Variants in KLHL29 observed in about 807,000 individuals in gnomAD.
KLHL29 encodes kelch-like protein 29.
In KLHL29, 21 loss-of-function variants were observed where a neutral mutation model predicts 80.4. The observed-to-expected ratio is 0.26, with a 90% CI of 0.19 to 0.38. KLHL29 has a LOEUF of 0.38. Among genes scored for constraint, KLHL29 ranks in the 10% least tolerant of loss-of-function variants. KLHL29 has a pLI of 1.00. For missense variants in KLHL29, 867 were observed against 1,223.9 expected (o/e 0.71, Z 4.35); for synonymous variants, 511 against 526.8 (o/e 0.97, Z 0.41).
At chr2:23,459,538 G>A (rs56182113) in intron 1 of KLHL29, among the ~76,000 whole-genome samples, 26,217 of 152,028 alleles carry the variant, frequency 0.17, 3,678 homozygotes, top group African/African-American at 0.37. Context: ...GGGAAATGAC[G>A]ACCAATGAAG....
chr2:23,617,385 G>A (rs757709631), intron 3 of KLHL29: 4 of 152,208 alleles, frequency 2.6e-5, no homozygotes, highest in South Asian at 2.1e-4. Flanking sequence ...TGGCTTTGAC[G>A]AGGCTCTGCC....
rs753136606 is a variant in KLHL29 at position 23,562,112 on chromosome 2, C to G, written c.-45-40C>G. The G allele has an allele frequency of 6.0e-6, 9 of 1,494,228 alleles. No homozygotes were observed. The highest frequency in any genetic ancestry group is 8.1e-6 in the Non-Finnish European group (9 of 1,107,484). 92.6% of individuals were successfully genotyped at this position (1,494,228 alleles called of 1,614,324 possible). A position where few individuals can be genotyped will look rare whatever the true frequency, so the allele number is the denominator to read the frequency against. Reference sequence around the variant, plus strand: ...ATGCTGTCAGTTGTCGCTGCCTGCTCCAGTCCTAAATCACCCTTCTCTCCA... The same window carrying G: ...ATGCTGTCAGTTGTCGCTGCCTGCTGCAGTCCTAAATCACCCTTCTCTCCA... On this transcript the variant is annotated intron_variant, in intron 2 of 13. Coordinates refer to ENST00000486442, the MANE Select transcript of KLHL29 (RefSeq NM_052920.2). The surrounding 1 kb of genome is among the most constrained non-coding windows in gnomAD (Gnocchi z 4.5).
chr2:23,416,933 C>T (rs1040549874), intron 1 of KLHL29, among the ~76,000 whole-genome samples: 3 of 152,244 alleles, frequency 2.0e-5, no homozygotes, highest in African/African-American at 7.2e-5. Context: ...GGATACTCCA[C>T]AGGCACCTCC....
chr2:23,643,203 C>T (rs957251292), intron 5 of KLHL29: 2 of 448,122 alleles, frequency 4.5e-6, no homozygotes, highest in African/African-American at 2.0e-5. Context: ...GAGAGTCATC[C>T]ACTCCTCTCA....
intron 5 of KLHL29, among the ~76,000 whole-genome samples, chr2:23,671,492 G>C (rs1449058001): frequency 2.6e-5 from 4 of 152,190 alleles, no homozygotes; most frequent in Non-Finnish European, 2.9e-5. Flanking sequence ...TAGGCTTTGG[G>C]TTTGCATCTG....
chr2:23,521,009 C>T (rs1666085203), intron 2 of KLHL29, among the ~76,000 whole-genome samples: 1 of 151,868 alleles, frequency 6.6e-6, no homozygotes, highest in Admixed American at 6.5e-5. Flanking sequence ...CCCCCGCTCC[C>T]CCTCAGGGGT....
intron 2 of KLHL29, among the ~76,000 whole-genome samples, chr2:23,506,106 C>T (rs1436830017): frequency 1.3e-5 from 2 of 152,344 alleles, no homozygotes; most frequent in Non-Finnish European, 2.9e-5. Flanking sequence ...CCTTGGTATC[C>T]TTTCATCTTC....
chr2:23,691,452 A>C (rs1671594916), intron 6 of KLHL29: 1 of 592,506 alleles, frequency 1.7e-6, no homozygotes, highest in South Asian at 2.0e-5. Flanking sequence ...GGACATGCCG[A>C]GTAGTGATAA....
intron 2 of KLHL29, among the ~76,000 whole-genome samples, chr2:23,557,018 C>T (rs774347906): frequency 2.0e-5 from 3 of 152,230 alleles, no homozygotes; most frequent in Non-Finnish European, 4.4e-5. Context: ...TGCTCTGTCC[C>T]CCTTGGTGAA....
chr2:23,696,279 C>T lies in KLHL29; in HGVS notation c.1925-54C>T, dbSNP rs1441171929. ...CTGCCCCTGGGGCTGGGCCTGCTGACCCCAGGCCCCTCCTCACCCCGCCCG... is the reference window on the plus strand; with the variant it reads ...CTGCCCCTGGGGCTGGGCCTGCTGATCCCAGGCCCCTCCTCACCCCGCCCG... On this transcript the variant is annotated intron_variant, in intron 10 of 13. Transcript: ENST00000486442. This position sits in a 1 kb window ranked among gnomAD's most constrained non-coding sequence, Gnocchi z 5.5. 1.2e-5 allele frequency: 19 copies of T among 1,525,380 alleles called. No homozygotes were observed. The highest frequency in any genetic ancestry group is 5.9e-5 in the Admixed American group (3 of 50,718). 94.5% of individuals were successfully genotyped at this position (1,525,380 alleles called of 1,614,324 possible).
At chr2:23,652,315 C>T (rs186224698) in intron 5 of KLHL29, among the ~76,000 whole-genome samples, 37 of 152,318 alleles carry the variant, frequency 2.4e-4, no homozygotes, top group Admixed American at 1.8e-3. Flanking sequence ...GGGAACCTAC[C>T]GTCACCACTG....
chr2:23,592,363 CCT>C, intron 3 of KLHL29, among the ~76,000 whole-genome samples: 1 of 152,376 alleles, frequency 6.6e-6, no homozygotes, highest in South Asian at 2.1e-4. Flanking sequence ...ACCCAGGAGT[CCT>C]AGAGGCTGAG....
At chr2:23,547,673 C>A (rs1667012039) in intron 2 of KLHL29, among the ~76,000 whole-genome samples, 1 of 151,982 alleles carries the variant, frequency 6.6e-6, no homozygotes, top group Admixed American at 6.6e-5. Context: ...CCCCTCCCGC[C>A]TCCCCCGAGA....
intron 3 of KLHL29, among the ~76,000 whole-genome samples, chr2:23,597,381 GTGTATATA>G (rs374572319): frequency 0.17 from 9,985 of 58,738 alleles, 1,196 homozygotes; most frequent in African/African-American, 0.19. Context: ...ATGTGTGTGT[GTGTATATA>G]TATATATATA....
At chr2:23,555,048 C>T (rs1572397634) in intron 2 of KLHL29, among the ~76,000 whole-genome samples, 4 of 152,098 alleles carry the variant, frequency 2.6e-5, no homozygotes, top group Admixed American at 2.6e-4. Context: ...GGGAGAAGCT[C>T]TTCCATCAAG....
At chr2:23,455,008 G>GGGA (rs1553325759) in intron 1 of KLHL29, among the ~76,000 whole-genome samples, 1,567 of 148,872 alleles carry the variant, frequency 0.011, 42 homozygotes, top group African/African-American at 0.037. Flanking sequence ...GGTTGGGGGG[G>GGGA]GGGCATTTAT....
chr2:23,556,752 G>C (rs1400929929), intron 2 of KLHL29, among the ~76,000 whole-genome samples: 2 of 152,142 alleles, frequency 1.3e-5, no homozygotes, highest in African/African-American at 4.8e-5. Flanking sequence ...AAAGGCCAGA[G>C]CCAAGTTGGC....
At position 23,442,214 on chromosome 2, in the gene KLHL29, C is replaced by T. The variant is rs566753789; in HGVS notation, c.-153-33346C>T. Among the ~76,000 whole-genome samples, 7 of 152,234 alleles carry T rather than the reference C, an allele frequency of 4.6e-5. No homozygotes were observed. The South Asian group carries it at 8.3e-4, about 18-fold the overall frequency. On this transcript the variant is annotated intron_variant, in intron 1 of 13. Coordinates refer to ENST00000486442, the MANE Select transcript of KLHL29 (RefSeq NM_052920.2). Reference sequence around the variant, plus strand: ...CAAGCAATCCTCCCACCTCAGCCTTCCAAGTAGCTGAGACCACAGACTTGT... The same window carrying T: ...CAAGCAATCCTCCCACCTCAGCCTTTCAAGTAGCTGAGACCACAGACTTGT...
chr2:23,599,582 A>C (rs1402783986), intron 3 of KLHL29, among the ~76,000 whole-genome samples: 1 of 151,862 alleles, frequency 6.6e-6, no homozygotes, highest in Non-Finnish European at 1.5e-5. Flanking sequence ...ATATTTACAT[A>C]TATAAATATT....
Sources: gnomAD v4.1 joint callset for allele counts (sites outside exome capture counted in the v4.1 genomes callset) on GRCh38, gnomAD v4.1.1 for gene constraint, Gnocchi (gnomAD v3.1) non-coding constraint, MANE v1.5 for transcripts, NCBI Gene and HGNC (gene_info 2026-07-23, HGNC 2026-07-21) for gene names.